Variants in ZNF652 observed in about 807,000 individuals in gnomAD.
ZNF652 encodes the protein zinc finger protein 652.
A neutral mutation model predicts 45.2 loss-of-function variants in ZNF652; 16 were observed. That is an observed-to-expected ratio of 0.35 (90% CI 0.24 to 0.54). ZNF652 has a LOEUF of 0.54. Among genes scored for constraint, ZNF652 ranks in the 20% least tolerant of loss-of-function variants. The pLI is 0.91. For missense variants in ZNF652, 614 were observed against 765.6 expected (o/e 0.80, Z 2.34); for synonymous variants, 250 against 260.6 (o/e 0.96, Z 0.39).
chr17:49,289,719 T>G lies in ZNF652; in HGVS notation c.*8694A>C, dbSNP rs984961462. On this transcript the variant is annotated 3_prime_UTR_variant, in exon 6 of 6. Coordinates refer to ENST00000430262, the MANE Select transcript of ZNF652 (RefSeq NM_001145365.3). Reference sequence around the variant, plus strand: ...GACTCCTCTAAACTTCTTTGCAGCATGACAGCTGCCTGCCCTACACTGAGT... The same window carrying G: ...GACTCCTCTAAACTTCTTTGCAGCAGGACAGCTGCCTGCCCTACACTGAGT... 1 of 152,354 alleles carries G rather than the reference T, an allele frequency of 6.6e-6. No individual in the cohort carries two copies. The highest frequency in any genetic ancestry group is 2.4e-5 in the African/African-American group (1 of 41,470). The allele number at this position is 152,354 out of a possible 1,614,324, so 9.4% of individuals were successfully genotyped here. A position where few individuals can be genotyped will look rare whatever the true frequency, so the allele number is the denominator to read the frequency against.
chr17:49,336,535 G>A (rs1482643713), intron 1 of ZNF652, among the ~76,000 whole-genome samples: 2 of 151,210 alleles, frequency 1.3e-5, no homozygotes, highest in Non-Finnish European at 2.9e-5. Context: ...CACCATGTTG[G>A]CCAGGCTGAT....
At chr17:49,345,460 C>T (rs906250350) in intron 1 of ZNF652, among the ~76,000 whole-genome samples, 4 of 151,262 alleles carry the variant, frequency 2.6e-5, no homozygotes, top group African/African-American at 9.6e-5. Flanking sequence ...CCTCGGCCTC[C>T]CAAAGTGCTG....
chr17:49,300,920 T>C (rs946764744), intron 5 of ZNF652, among the ~76,000 whole-genome samples: 1 of 152,250 alleles, frequency 6.6e-6, no homozygotes, highest in Non-Finnish European at 1.5e-5. Flanking sequence ...TATATGCTAA[T>C]GGAGAGTTAG....
intron 1 of ZNF652, among the ~76,000 whole-genome samples, chr17:49,345,852 A>G (rs866269420): frequency 3.2e-4 from 49 of 152,088 alleles, no homozygotes; most frequent in African/African-American, 1.2e-3. Context: ...AAAAAAAAAA[A>G]AAAGAAATGA....
chr17:49,358,299 C>G (rs1369414475), intron 1 of ZNF652, among the ~76,000 whole-genome samples: 2 of 152,178 alleles, frequency 1.3e-5, no homozygotes, highest in Non-Finnish European at 2.9e-5. Context: ...ACCAGTTCAC[C>G]TCTATCGAAG....
chr17:49,325,241 T>C (rs775506205), intron 1 of ZNF652, among the ~76,000 whole-genome samples: 12 of 152,088 alleles, frequency 7.9e-5, no homozygotes, highest in South Asian at 2.1e-4. Flanking sequence ...GAGGCCACTG[T>C]AGAGTTATTA....
At chr17:49,329,157 T>A (rs568725904) in intron 1 of ZNF652, among the ~76,000 whole-genome samples, 1 of 152,356 alleles carries the variant, frequency 6.6e-6, no homozygotes, top group East Asian at 1.9e-4. Flanking sequence ...TTCAAACTGA[T>A]CCACCTGTAG....
At chr17:49,331,077 A>T (rs1334209795) in intron 1 of ZNF652, among the ~76,000 whole-genome samples, 1 of 151,138 alleles carries the variant, frequency 6.6e-6, no homozygotes, top group Admixed American at 6.6e-5. Flanking sequence ...CTCAAAAAAA[A>T]AAAAGAAAAA....
chr17:49,354,720 ATTTCTT>A (rs533439557), intron 1 of ZNF652, among the ~76,000 whole-genome samples: 13 of 151,836 alleles, frequency 8.6e-5, no homozygotes, highest in East Asian at 3.8e-4. Context: ...TACCTAGCTT[ATTTCTT>A]TTTCTTTTTC....
At chr17:49,339,329 T>C (rs1482746989) in intron 1 of ZNF652, among the ~76,000 whole-genome samples, 1 of 150,706 alleles carries the variant, frequency 6.6e-6, no homozygotes, top group East Asian at 1.9e-4. Context: ...TTTTTTTTTT[T>C]TTTAAGTGTA....
intron 1 of ZNF652, among the ~76,000 whole-genome samples, chr17:49,330,643 G>A (rs1221129061): frequency 6.6e-6 from 1 of 151,856 alleles, no homozygotes; most frequent in Admixed American, 6.6e-5. Flanking sequence ...ACAGGTGTGA[G>A]CCACCACACC....
intron 1 of ZNF652, among the ~76,000 whole-genome samples, chr17:49,338,777 AAAG>A (rs1278966909): frequency 2.0e-5 from 3 of 152,200 alleles, no homozygotes. Flanking sequence ...GATAAACAGA[AAAG>A]AAGGGGCTGA....
intron 5 of ZNF652, among the ~76,000 whole-genome samples, chr17:49,307,690 C>G (rs2069651758): frequency 6.6e-6 from 1 of 151,304 alleles, no homozygotes; most frequent in African/African-American, 2.4e-5. Context: ...AGGCAGAGGT[C>G]GCAGTGAGCT....
chr17:49,336,952 T>G lies in ZNF652; in HGVS notation c.-258-18969A>C, dbSNP rs936029037. 6.6e-5 allele frequency among the ~76,000 whole-genome samples: 8 copies of G among 121,816 alleles called. No individual in the cohort carries two copies. The East Asian group carries it at 1.2e-3, about 18-fold the overall frequency. The allele number at this position is 121,816 out of a possible 152,430, so 79.9% of individuals were successfully genotyped here. On this transcript the variant is annotated intron_variant, in intron 1 of 5. Transcript: ENST00000430262. ...ACTTTTCTTAATGGTGTTTTTTTTT[T>G]TTTTTTTTTTTTTAAGTATGTAAGT... is the stretch of plus-strand genomic sequence containing the variant.
At chr17:49,307,667 G>A (rs542424009) in intron 5 of ZNF652, among the ~76,000 whole-genome samples, 7 of 151,222 alleles carry the variant, frequency 4.6e-5, no homozygotes, top group East Asian at 3.9e-4. Flanking sequence ...CAGGAGAATC[G>A]CTTGAACATG....
At chr17:49,357,767 A>G (rs1165820932) in intron 1 of ZNF652, among the ~76,000 whole-genome samples, 1 of 152,210 alleles carries the variant, frequency 6.6e-6, no homozygotes, top group Non-Finnish European at 1.5e-5. Context: ...AGCTCTGAAT[A>G]GGCTTAAAAC....
intron 1 of ZNF652, among the ~76,000 whole-genome samples, chr17:49,332,655 C>CT (rs970647365): frequency 1.7e-4 from 26 of 152,232 alleles, no homozygotes; most frequent in African/African-American, 5.8e-4. Context: ...ATATATTTAA[C>CT]TTTTTTTGAA....
intron 1 of ZNF652, among the ~76,000 whole-genome samples, chr17:49,341,483 T>C (rs1404123126): frequency 2.5e-5 from 2 of 80,022 alleles, no homozygotes; most frequent in Non-Finnish European, 4.6e-5. Context: ...TACGACCTCA[T>C]CTCTACAAAA....
At chr17:49,360,048 T>C (rs1020263550) in intron 1 of ZNF652, among the ~76,000 whole-genome samples, 2 of 152,222 alleles carry the variant, frequency 1.3e-5, no homozygotes, top group Non-Finnish European at 2.9e-5. Flanking sequence ...ACATTACCAA[T>C]TGGTCAAGTC....
Sources: gnomAD v4.1 joint callset for allele counts (sites outside exome capture counted in the v4.1 genomes callset) on GRCh38, gnomAD v4.1.1 for gene constraint, MANE v1.5 for transcripts, NCBI Gene and HGNC (gene_info 2026-07-23, HGNC 2026-07-21) for gene names.